Variants in PRKCH observed in about 807,000 individuals in gnomAD.
PRKCH encodes the protein protein kinase C eta type.
PRKCH carries 28 observed loss-of-function variants against 82.5 expected under a neutral mutation model. That is an observed-to-expected ratio of 0.34 (90% CI 0.25 to 0.47). The LOEUF is 0.47. Ranked by LOEUF, PRKCH falls within the 20% of genes least tolerant of loss-of-function variation. The pLI is 1.00. For missense variants in PRKCH, 705 were observed against 881.8 expected (o/e 0.80, Z 2.54); for synonymous variants, 322 against 327.4 (o/e 0.98, Z 0.18).
At chr14:61,257,663 A>G (rs1222741525) in intron 1 of PRKCH, among the ~76,000 whole-genome samples, 1 of 151,298 alleles carries the variant, frequency 6.6e-6, no homozygotes, top group Non-Finnish European at 1.5e-5. Context: ...ATACACACAC[A>G]TTCATGGAGT....
At chr14:61,362,879 A>G (rs1387839832) in intron 1 of PRKCH, among the ~76,000 whole-genome samples, 1 of 152,206 alleles carries the variant, frequency 6.6e-6, no homozygotes, top group East Asian at 1.9e-4. Context: ...AGGGGATACC[A>G]GTATCAAATG....
chr14:61,330,110 G>T (rs2045763636), intron 1 of PRKCH, among the ~76,000 whole-genome samples: 1 of 152,186 alleles, frequency 6.6e-6, no homozygotes, highest in Admixed American at 6.5e-5. Context: ...CCAAGGGGGA[G>T]GGAGATTGGG....
intron 2 of PRKCH, 34 bp downstream of exon 2, chr14:61,391,322 A>T: frequency 6.5e-7 from 1 of 1,542,126 alleles, no homozygotes; most frequent in Non-Finnish European, 8.9e-7. Flanking sequence ...TCCAGAATAC[A>T]TGTAATCTTG....
chr14:61,329,540 C>T (rs113856418), intron 1 of PRKCH, among the ~76,000 whole-genome samples: 6,976 of 152,188 alleles, frequency 0.046, 201 homozygotes, highest in Middle Eastern at 0.075. Context: ...CAGCCAAAGT[C>T]CAGAGTCTTT....
At position 61,538,581 on chromosome 14, in the gene PRKCH, A is replaced by G. The variant is rs76279164; in HGVS notation, c.1761+7986A>G. Among the ~76,000 whole-genome samples the G allele has an allele frequency of 2.8e-3, 429 of 152,356 alleles. 5 individuals are homozygous for G. The East Asian group carries it at 0.038, about 14-fold the overall frequency. Reference sequence around the variant, plus strand: ...ATTTTTAATAGAGTACTCATGCTGCATGTCTCATTTATCTCCATCCCTGCC... The same window carrying G: ...ATTTTTAATAGAGTACTCATGCTGCGTGTCTCATTTATCTCCATCCCTGCC... On this transcript the variant is annotated intron_variant, in intron 12 of 13. Transcript: ENST00000332981.
intron 9 of PRKCH, among the ~76,000 whole-genome samples, chr14:61,480,127 G>T (rs1020880607): frequency 6.6e-6 from 1 of 152,204 alleles, no homozygotes; most frequent in Non-Finnish European, 1.5e-5. Context: ...AGATGTGCAG[G>T]CTCAGTTTCT....
At chr14:61,274,163 A>G (rs1376380823) in intron 1 of PRKCH, among the ~76,000 whole-genome samples, 1 of 152,246 alleles carries the variant, frequency 6.6e-6, no homozygotes, top group Non-Finnish European at 1.5e-5. Context: ...AACACAGAGT[A>G]AAGTCTTAAG....
chr14:61,316,079 T>C (rs1644139317), intron 1 of PRKCH, among the ~76,000 whole-genome samples: 2 of 152,156 alleles, frequency 1.3e-5, no homozygotes, highest in Non-Finnish European at 1.5e-5. Flanking sequence ...TTGTTTATCA[T>C]ATATAATTTT....
chr14:61,474,083 G>A (rs1885624343), intron 9 of PRKCH, among the ~76,000 whole-genome samples: 1 of 152,110 alleles, frequency 6.6e-6, no homozygotes, highest in Admixed American at 6.5e-5. Flanking sequence ...TAAGGGTTAA[G>A]GTTGAGTGGA....
At chr14:61,479,311 TC>T (rs560793658) in intron 9 of PRKCH, among the ~76,000 whole-genome samples, 26 of 152,202 alleles carry the variant, frequency 1.7e-4, no homozygotes, top group Non-Finnish European at 3.4e-4. Context: ...GCTTTTTACC[TC>T]AGTTTCAGTT....
At chr14:61,225,076 G>A (rs8020233) in intron 1 of PRKCH, among the ~76,000 whole-genome samples, 37,440 of 151,998 alleles carry the variant, frequency 0.25, 4,746 homozygotes, top group Middle Eastern at 0.29. Context: ...GCTTTGGCCG[G>A]GGTGAGCACC....
At chr14:61,284,797 C>T (rs2045300238) in intron 1 of PRKCH, among the ~76,000 whole-genome samples, 1 of 152,094 alleles carries the variant, frequency 6.6e-6, no homozygotes, top group Non-Finnish European at 1.5e-5. Context: ...ATTTCTAGTC[C>T]AAATACTGCT....
At chr14:61,330,411 T>G (rs2045768742) in intron 1 of PRKCH, among the ~76,000 whole-genome samples, 1 of 152,228 alleles carries the variant, frequency 6.6e-6, no homozygotes, top group South Asian at 2.1e-4. Flanking sequence ...TTTGGAAAGT[T>G]TGGGAGGGAA....
chr14:61,280,195 C>T lies in PRKCH; in HGVS notation c.-19+92527C>T. On this transcript the variant is annotated intron_variant, in intron 1 of 3. Transcript: ENST00000555185. This position sits in a 1 kb window ranked among gnomAD's most constrained non-coding sequence, Gnocchi z 5.0. ...GGAGCCGACGACCAGGTAGGCGATG[C>T]CCAGGAAGGGGTTCTTGCCACCCAT... is the stretch of plus-strand genomic sequence containing the variant. The T allele has an allele frequency of 3.7e-6, 6 of 1,613,752 alleles. No individual in the cohort carries two copies. The highest frequency in any genetic ancestry group is 5.1e-6 in the Non-Finnish European group (6 of 1,179,820).
At chr14:61,443,062 G>A (rs376509912) in intron 2 of PRKCH, 49 bp from the exon 3 acceptor site, 52 of 1,560,754 alleles carry the variant, frequency 3.3e-5, no homozygotes, top group African/African-American at 1.8e-4. Context: ...TATTAGGTGC[G>A]TTAGGTTCCT....
At chr14:61,360,158 A>G (rs1331987675) in intron 1 of PRKCH, among the ~76,000 whole-genome samples, 1 of 152,212 alleles carries the variant, frequency 6.6e-6, no homozygotes, top group Admixed American at 6.5e-5. Flanking sequence ...AGGGGAAGAG[A>G]GGAATATGTC....
intron 1 of PRKCH, among the ~76,000 whole-genome samples, chr14:61,328,278 A>AAAAG (rs1566822556): frequency 6.6e-6 from 1 of 150,822 alleles, no homozygotes; most frequent in African/African-American, 2.4e-5. Context: ...AAAAAAAAAA[A>AAAAG]AAAGAAAGAC....
chr14:61,528,368 A>AT (rs2042997893), intron 10 of PRKCH, among the ~76,000 whole-genome samples: 1 of 151,566 alleles, frequency 6.6e-6, no homozygotes, highest in Non-Finnish European at 1.5e-5. Context: ...TAATTTTTGT[A>AT]TTTTTCGTAG....
chr14:61,328,256 C>CAAAAAAA (rs71117811), intron 1 of PRKCH, among the ~76,000 whole-genome samples: 28 of 74,354 alleles, frequency 3.8e-4, no homozygotes, highest in African/African-American at 4.3e-4. Context: ...GACTCCGTCT[C>CAAAAAAA]AAAAAAAAAA....
Sources: gnomAD v4.1 joint callset for allele counts (sites outside exome capture counted in the v4.1 genomes callset) on GRCh38, gnomAD v4.1.1 for gene constraint, Gnocchi (gnomAD v3.1) non-coding constraint, MANE v1.5 for transcripts, NCBI Gene and HGNC (gene_info 2026-07-23, HGNC 2026-07-21) for gene names.